The following CNNM4 variants were observed in gnomAD, a reference collection of about 807,000 sequenced individuals.
The protein encoded by CNNM4 is metal transporter CNNM4.
A neutral mutation model predicts 53.7 loss-of-function variants in CNNM4; 32 were observed. The ratio of observed to expected loss-of-function variants is 0.60; its 90% CI spans 0.45 to 0.80. The LOEUF is 0.80. Ranked by LOEUF, CNNM4 falls within the 30% of genes least tolerant of loss-of-function variation. CNNM4 has a pLI of 0.00. For missense variants in CNNM4, 784 were observed against 1,022.0 expected, an observed-to-expected ratio of 0.77 and a Z score of 3.17; for synonymous variants, 410 against 440.0, an observed-to-expected ratio of 0.93 and a Z score of 0.85.
intron 1 of CNNM4, chr2:96,788,991 T>A (rs980917635): frequency 6.6e-6 from 1 of 151,510 alleles, no homozygotes; most frequent in Non-Finnish European, 1.5e-5. Flanking sequence ...AGTCTTTTTT[T>A]ATGGAGGGCG....
chr2:96,796,401 C>T (rs116070893), intron 1 of CNNM4, among the ~76,000 whole-genome samples: 202 of 152,074 alleles, frequency 1.3e-3, no homozygotes, highest in Non-Finnish European at 2.0e-3. Context: ...CGCTTCAGCC[C>T]GTCCAAGGTG....
chr2:96,781,471 C>T (rs2078974986), intron 1 of CNNM4, among the ~76,000 whole-genome samples: 1 of 152,154 alleles, frequency 6.6e-6, no homozygotes, highest in Non-Finnish European at 1.5e-5. Context: ...ACCTTGGCCT[C>T]CCAAAATGCT....
At position 96,790,560 on chromosome 2, in the gene CNNM4, G is replaced by A. The variant is rs910079108; in HGVS notation, c.1403-6452G>A. ...GTAGAGATGGAGTTTCTCCATGTTG[G>A]TCAGGCTGGTCTCAAACTCCCCACC... On this transcript the variant is annotated intron_variant, in intron 1 of 6. Transcript: ENST00000377075. Among the ~76,000 whole-genome samples, 11 of 148,678 alleles carry A rather than the reference G, an allele frequency of 7.4e-5. 1 individual carries two copies. Among genetic ancestry groups the A allele is most frequent in the Non-Finnish European group, 1.5e-4 (10 of 67,242 alleles).
At chr2:96,771,962 G>C (rs751089447) in intron 1 of CNNM4, among the ~76,000 whole-genome samples, 1 of 152,126 alleles carries the variant, frequency 6.6e-6, no homozygotes, top group Admixed American at 6.5e-5. Flanking sequence ...GGTGTTGCTG[G>C]AGCATTCCCC....
chr2:96,780,010 T>C (rs1309884447), intron 1 of CNNM4, among the ~76,000 whole-genome samples: 1 of 152,008 alleles, frequency 6.6e-6, no homozygotes, highest in African/African-American at 2.4e-5. Context: ...CCATGTTGGC[T>C]GGGATGGTCT....
chr2:96,791,146 A>G (rs2079058981), intron 1 of CNNM4, among the ~76,000 whole-genome samples: 1 of 151,750 alleles, frequency 6.6e-6, no homozygotes, highest in Non-Finnish European at 1.5e-5. Context: ...AAATTAAAAT[A>G]CAAAAATTAG....
chr2:96,762,046 G>A lies in CNNM4; in HGVS notation c.1047G>A (p.Glu349=), dbSNP rs2078769409. ...EKLMEMLKVT[E]PYNDLVKEEL... ...TGATGGAGATGTTGAAGGTGACGGA[G>A]CCCTATAATGACCTCGTGAAAGAGG... Residue 349 remains glutamate, a synonymous_variant, in exon 1 of 7, where the codon GAG becomes GAA. Coordinates refer to ENST00000377075, the MANE Select transcript of CNNM4 (RefSeq NM_020184.4). 3 of 1,614,110 alleles carry A rather than the reference G, an allele frequency of 1.9e-6. No homozygotes were observed. Among genetic ancestry groups the A allele is most frequent in the Non-Finnish European group, 2.5e-6 (3 of 1,180,032 alleles).
In CNNM4 at chr2:96,800,504, A is replaced by G. The variant is rs2079149406; in HGVS notation, c.1948+856A>G. ...GAGGGGGAACGGGGGTAGGGCACCCATGAATACTGACACCCAGCTTGGCTT... is the reference window on the plus strand; with the variant it reads ...GAGGGGGAACGGGGGTAGGGCACCCGTGAATACTGACACCCAGCTTGGCTT... On this transcript the variant is annotated intron_variant, in intron 5 of 6. Coordinates refer to ENST00000377075, the MANE Select transcript of CNNM4 (RefSeq NM_020184.4). The surrounding 1 kb of genome is among the most constrained non-coding windows in gnomAD (Gnocchi z 4.6). 6.6e-6 allele frequency among the ~76,000 whole-genome samples: 1 copy of G among 152,214 alleles called. No homozygotes were observed. The highest frequency in any genetic ancestry group is 1.5e-5 in the Non-Finnish European group (1 of 68,028).
chr2:96,779,604 T>C (rs2078955971), intron 1 of CNNM4, among the ~76,000 whole-genome samples: 2 of 152,088 alleles, frequency 1.3e-5, no homozygotes, highest in Admixed American at 6.6e-5. Flanking sequence ...TGTGGGTCTC[T>C]CTGGACTCTT....
Position 96,761,938 on chromosome 2 carries a change from C to T in CNNM4, c.939C>T (p.Thr313=). The stretch of plus-strand genomic sequence containing the variant: ...TCACCAAATTCTTTATGCTACTCAC[C>T]TTCCCCCTCAGTTTTCCCATTAGCA... The part of the protein sequence containing the change: ...ILLTKFFMLL[T]FPLSFPISKL... The change falls in exon 1 of 7, where the codon ACC becomes ACT. Residue 313 remains threonine, a synonymous_variant. Transcript: ENST00000377075. This position sits in a 1 kb window ranked among gnomAD's most constrained non-coding sequence, Gnocchi z 6.0. 5 of 1,614,194 alleles carry T rather than the reference C, an allele frequency of 3.1e-6. No individual in the cohort carries two copies. Among genetic ancestry groups the T allele is most frequent in the Non-Finnish European group, 4.2e-6 (5 of 1,180,036 alleles).
chr2:96,786,737 C>G (rs2079019310), intron 1 of CNNM4, among the ~76,000 whole-genome samples: 1 of 144,666 alleles, frequency 6.9e-6, no homozygotes, highest in East Asian at 2.1e-4. Context: ...TGGGATCGCA[C>G]CACTGCACTC....
intron 5 of CNNM4, among the ~76,000 whole-genome samples, chr2:96,806,971 A>G (rs967933422): frequency 1.3e-5 from 2 of 152,092 alleles, no homozygotes; most frequent in Admixed American, 6.5e-5. Context: ...AGTGGGTAGG[A>G]CTGTGTTTCA....
At chr2:96,770,927 G>T (rs1436454298) in intron 1 of CNNM4, among the ~76,000 whole-genome samples, 1 of 152,248 alleles carries the variant, frequency 6.6e-6, no homozygotes, top group East Asian at 1.9e-4. Flanking sequence ...CCCAGCCCGT[G>T]GGGGATGGAC....
chr2:96,802,699 A>G (rs901708670), intron 5 of CNNM4, among the ~76,000 whole-genome samples: 1 of 152,190 alleles, frequency 6.6e-6, no homozygotes, highest in Admixed American at 6.5e-5. Flanking sequence ...AATTATTATT[A>G]TTTCTGTTTT....
intron 1 of CNNM4, among the ~76,000 whole-genome samples, 172 bp downstream of exon 1, chr2:96,762,573 A>G (rs775265425): frequency 2.0e-5 from 3 of 152,088 alleles, no homozygotes; most frequent in Non-Finnish European, 4.4e-5. Flanking sequence ...CCCATTCTCA[A>G]GTGTCTGCCG....
chr2:96,790,364 G>GT (rs1371142851), intron 1 of CNNM4, among the ~76,000 whole-genome samples: 6 of 147,220 alleles, frequency 4.1e-5, no homozygotes, highest in African/African-American at 1.5e-4. Context: ...TTATTTATTT[G>GT]TTTTTTTGAG....
chr2:96,801,675 G>C lies in CNNM4; in HGVS notation c.1948+2027G>C, dbSNP rs745528211. On this transcript the variant is annotated intron_variant, in intron 5 of 6. Coordinates refer to ENST00000377075, the MANE Select transcript of CNNM4 (RefSeq NM_020184.4). This position sits in a 1 kb window ranked among gnomAD's most constrained non-coding sequence, Gnocchi z 5.6. ...GAGAGACCACACACACACACACACAGAGACCACACGCAGAGAGACCACACA... is the reference window on the plus strand; with the variant it reads ...GAGAGACCACACACACACACACACACAGACCACACGCAGAGAGACCACACA... 2.3e-3 allele frequency among the ~76,000 whole-genome samples: 312 copies of C among 137,532 alleles called. 2 individuals are homozygous for C. Among genetic ancestry groups the C allele is most frequent in the Non-Finnish European group, 3.4e-3 (220 of 64,174 alleles). The allele number at this position is 137,532 out of a possible 152,430, so 90.2% of individuals were successfully genotyped here. A position where few individuals can be genotyped will look rare whatever the true frequency, so the allele number is the denominator to read the frequency against.
intron 1 of CNNM4, among the ~76,000 whole-genome samples, chr2:96,795,914 G>A (rs1309060181): frequency 4.6e-5 from 7 of 152,018 alleles, no homozygotes; most frequent in African/African-American, 1.7e-4. Context: ...TTCAAAAAGG[G>A]GTCTGGGAAG....
chr2:96,806,789 T>A (rs1248760003), intron 5 of CNNM4, among the ~76,000 whole-genome samples: 1 of 152,220 alleles, frequency 6.6e-6, no homozygotes, highest in Non-Finnish European at 1.5e-5. Flanking sequence ...CAGTAACGTA[T>A]ATCATTTGAA....
Sources: allele counts gnomAD v4.1 joint callset (sites outside exome capture counted in the v4.1 genomes callset), GRCh38; gene constraint gnomAD v4.1.1; non-coding constraint Gnocchi (gnomAD v3.1); transcripts MANE v1.5; gene names NCBI Gene and HGNC (gene_info 2026-07-23, HGNC 2026-07-21).